The following ERMP1 variants were observed in gnomAD, a reference collection of about 807,000 sequenced individuals.
The protein encoded by ERMP1 is endoplasmic reticulum metallopeptidase 1.
A neutral mutation model predicts 92.0 loss-of-function variants in ERMP1; 86 were observed. The observed-to-expected ratio is 0.93, with a 90% CI of 0.79 to 1.12. ERMP1 has a LOEUF of 1.12. Ranked by LOEUF, ERMP1 falls within the 50% of genes most tolerant of loss-of-function variation. The probability of loss-of-function intolerance (pLI) is 0.00; values close to 1 mark genes in which losing one functional copy is unlikely to be tolerated. For missense variants in ERMP1, 1,342 were observed against 1,116.3 expected (o/e 1.20, Z -2.88); for synonymous variants, 530 against 412.8 (o/e 1.28, Z -3.44).
At chr9:5,863,412 C>T (rs1201296497) in intron 5 of ERMP1, among the ~76,000 whole-genome samples, 2 of 152,146 alleles carry the variant, frequency 1.3e-5, no homozygotes, top group Non-Finnish European at 2.9e-5. Context: ...CCCATTACTC[C>T]TTGCATCAAG....
At chr9:5,838,793 T>C (rs1168909796) in intron 6 of ERMP1, among the ~76,000 whole-genome samples, 2 of 151,510 alleles carry the variant, frequency 1.3e-5, no homozygotes, top group African/African-American at 2.4e-5. Flanking sequence ...ATTATAAATA[T>C]TAAGAGAAAC....
chr9:5,850,442 A>AAGAAG (rs1554628972), intron 6 of ERMP1, among the ~76,000 whole-genome samples: 1 of 146,958 alleles, frequency 6.8e-6, no homozygotes, highest in African/African-American at 2.5e-5. Context: ...AGAAGAAGAA[A>AAGAAG]AAAAGAAATA....
At chr9:5,832,533 G>A (rs765782099) in intron 1 of ERMP1, 157 bp downstream of exon 1, 54 of 547,486 alleles carry the variant, frequency 9.9e-5, no homozygotes, top group Non-Finnish European at 7.9e-5. Context: ...CCCAGAAGAA[G>A]GACAAGCAAG....
At chr9:5,831,228 T>C (rs1170742062) in intron 1 of ERMP1, among the ~76,000 whole-genome samples, 200 bp from the exon 2 acceptor site, 24 of 152,092 alleles carry the variant, frequency 1.6e-4, no homozygotes, top group Non-Finnish European at 4.4e-5. Context: ...CTCCCACGAG[T>C]TGACCCCTTC....
intron 6 of ERMP1, among the ~76,000 whole-genome samples, chr9:5,856,731 A>G (rs1045108571): frequency 9.9e-5 from 15 of 152,166 alleles, no homozygotes; most frequent in Admixed American, 7.2e-4. Context: ...CTCTGGTCAC[A>G]TTTTCACCAA....
At chr9:5,847,882 G>T (rs1029295399) in intron 6 of ERMP1, among the ~76,000 whole-genome samples, 12 of 149,518 alleles carry the variant, frequency 8.0e-5, no homozygotes, top group African/African-American at 2.7e-4. Context: ...GCGACAGAGC[G>T]AGACTCCGTC....
intron 10 of ERMP1, among the ~76,000 whole-genome samples, chr9:5,803,847 T>C (rs1009625104): frequency 4.6e-5 from 7 of 152,170 alleles, no homozygotes; most frequent in African/African-American, 1.7e-4. Flanking sequence ...TTAATAATTA[T>C]CCTATAAGTA....
chr9:5,793,067 G>C (rs536301683), intron 13 of ERMP1, among the ~76,000 whole-genome samples: 2 of 152,236 alleles, frequency 1.3e-5, no homozygotes, highest in African/African-American at 4.8e-5. Context: ...TGTGCATTGT[G>C]TGTACATACT....
At chr9:5,848,928 TG>T (rs1239486093) in intron 6 of ERMP1, among the ~76,000 whole-genome samples, 1 of 152,178 alleles carries the variant, frequency 6.6e-6, no homozygotes, top group Non-Finnish European at 1.5e-5. Context: ...TATGGTTAGA[TG>T]GGGGTTCTGA....
At chr9:5,806,805 T>G (rs1440277037) in intron 8 of ERMP1, among the ~76,000 whole-genome samples, 1 of 152,150 alleles carries the variant, frequency 6.6e-6, no homozygotes, top group Non-Finnish European at 1.5e-5. Flanking sequence ...ATGAAAGTTT[T>G]AATTACGGTG....
At chr9:5,855,237 C>G (rs1420084004) in intron 6 of ERMP1, among the ~76,000 whole-genome samples, 1 of 152,062 alleles carries the variant, frequency 6.6e-6, no homozygotes, top group Admixed American at 6.5e-5. Flanking sequence ...AAAGGAGAGA[C>G]TCTATGGAGT....
At chr9:5,824,950 C>A (rs1829679950) in intron 3 of ERMP1, 142 bp downstream of exon 3, 1 of 743,560 alleles carries the variant, frequency 1.3e-6, no homozygotes, top group Non-Finnish European at 2.2e-6. Flanking sequence ...AAGTACTGCT[C>A]ATAAAGTATT....
chr9:5,818,490 A>G (rs1829406376), intron 4 of ERMP1, among the ~76,000 whole-genome samples: 1 of 152,162 alleles, frequency 6.6e-6, no homozygotes. Context: ...CCAAGGAAGG[A>G]AGACTGCTTA....
intron 5 of ERMP1, among the ~76,000 whole-genome samples, chr9:5,861,207 G>A (rs868159778): frequency 1.4e-5 from 2 of 143,288 alleles, no homozygotes; most frequent in South Asian, 2.2e-4. Context: ...GTGTGTGTGT[G>A]TGTGTGTGTG....
At chr9:5,799,068 A>C in intron 11 of ERMP1, 60 bp from the exon 12 acceptor site, 1 of 1,213,312 alleles carries the variant, frequency 8.2e-7, no homozygotes, top group Non-Finnish European at 1.2e-6. Context: ...TTCCCACCCC[A>C]GATTACAAAA....
At chr9:5,799,155 C>G in intron 11 of ERMP1, 147 bp from the exon 12 acceptor site, 1 of 595,936 alleles carries the variant, frequency 1.7e-6, no homozygotes, top group Non-Finnish European at 3.0e-6. Context: ...TAAGGTACTG[C>G]TAGCGTTCTT....
chr9:5,865,585 C>A (rs920774118), intron 5 of ERMP1, among the ~76,000 whole-genome samples: 13 of 151,436 alleles, frequency 8.6e-5, no homozygotes, highest in Non-Finnish European at 1.6e-4. Flanking sequence ...GTAATCCCAA[C>A]ACTTTCGCAG....
chr9:5,850,241 C>T (rs759070306), intron 6 of ERMP1, among the ~76,000 whole-genome samples: 3 of 151,442 alleles, frequency 2.0e-5, no homozygotes, highest in Non-Finnish European at 2.9e-5. Flanking sequence ...CCCATCTCTA[C>T]GAAAAATACA....
intron 10 of ERMP1, among the ~76,000 whole-genome samples, chr9:5,803,305 T>C (rs998190757): frequency 2.6e-5 from 4 of 152,186 alleles, no homozygotes; most frequent in African/African-American, 9.7e-5. Context: ...CACATTATAA[T>C]GAAAAATAAG....
Sources: allele counts gnomAD v4.1 joint callset (sites outside exome capture counted in the v4.1 genomes callset), GRCh38; gene constraint gnomAD v4.1.1; transcripts MANE v1.5; gene names NCBI Gene and HGNC (gene_info 2026-07-23, HGNC 2026-07-21).